Variants in SORCS3 observed in about 807,000 individuals in gnomAD.
SORCS3 encodes VPS10 domain-containing receptor SorCS3.
In SORCS3, 57 loss-of-function variants were observed where a neutral mutation model predicts 146.3. That is an observed-to-expected ratio of 0.39 (90% CI 0.31 to 0.49). The LOEUF (loss-of-function observed/expected upper bound fraction) is 0.49, where lower values mean the gene tolerates loss of function less well. SORCS3 is among the 20% of genes least tolerant of loss of function. The pLI is 0.92. For synonymous variants in SORCS3, 653 were observed against 618.5 expected (o/e 1.06, Z -0.83); for missense variants, 1,341 against 1,575.5 (o/e 0.85, Z 2.52).
intron 5 of SORCS3, among the ~76,000 whole-genome samples, chr10:105,076,797 T>C (rs2055592111): frequency 6.6e-6 from 1 of 152,212 alleles, no homozygotes; most frequent in Non-Finnish European, 1.5e-5. Flanking sequence ...AGGTATTCAG[T>C]AGGTATTTGC....
At chr10:105,089,891 CTGT>C in intron 6 of SORCS3, 52 bp downstream of exon 6, 2 of 1,420,686 alleles carry the variant, frequency 1.4e-6, no homozygotes, top group Non-Finnish European at 2.0e-6. Flanking sequence ...CTGCAGGTCT[CTGT>C]CCTCCCCCAA....
chr10:104,733,077 T>C (rs1441280100), intron 1 of SORCS3, among the ~76,000 whole-genome samples: 6 of 152,176 alleles, frequency 3.9e-5, no homozygotes, highest in African/African-American at 1.4e-4. Context: ...TGATGTAGAT[T>C]GTCATGGGCA....
At chr10:104,981,962 G>C (rs1589578062) in intron 4 of SORCS3, among the ~76,000 whole-genome samples, 2 of 152,148 alleles carry the variant, frequency 1.3e-5, no homozygotes, top group Admixed American at 6.5e-5. Context: ...GGGCCACAGT[G>C]GTCTAGAATT....
At chr10:105,215,004 C>G (rs181123614) in intron 18 of SORCS3, among the ~76,000 whole-genome samples, 2 of 152,274 alleles carry the variant, frequency 1.3e-5, no homozygotes, top group East Asian at 3.9e-4. Context: ...TTTATTCTGA[C>G]CCTTAATCCC....
chr10:105,112,923 A>G (rs1407214636), intron 7 of SORCS3, among the ~76,000 whole-genome samples: 1 of 152,158 alleles, frequency 6.6e-6, no homozygotes, highest in Non-Finnish European at 1.5e-5. Flanking sequence ...ATTTGGTTTT[A>G]GTGCTAACAG....
intron 4 of SORCS3, among the ~76,000 whole-genome samples, chr10:104,986,867 A>C (rs901373662): frequency 6.6e-6 from 1 of 152,214 alleles, no homozygotes; most frequent in Non-Finnish European, 1.5e-5. Flanking sequence ...CTGATCACAG[A>C]TCATCATAAC....
At chr10:104,910,793 G>C (rs1211244893) in intron 2 of SORCS3, among the ~76,000 whole-genome samples, 1 of 152,216 alleles carries the variant, frequency 6.6e-6, no homozygotes, top group Non-Finnish European at 1.5e-5. Context: ...AGTGGGGTTG[G>C]GGTAACTGGA....
intron 15 of SORCS3, among the ~76,000 whole-genome samples, chr10:105,200,602 T>G (rs1043453565): frequency 8.5e-5 from 13 of 152,178 alleles, no homozygotes; most frequent in Non-Finnish European, 7.4e-5. Flanking sequence ...AGACTTCTGC[T>G]CCAGAACCAC....
intron 1 of SORCS3, among the ~76,000 whole-genome samples, chr10:104,765,599 A>G (rs1347886092): frequency 1.3e-5 from 2 of 152,228 alleles, no homozygotes; most frequent in Admixed American, 6.5e-5. Flanking sequence ...CAAGGCTGAC[A>G]TAGAGTGGAC....
chr10:105,087,062 G>A (rs938388829), intron 5 of SORCS3, among the ~76,000 whole-genome samples: 3 of 152,142 alleles, frequency 2.0e-5, no homozygotes, highest in Non-Finnish European at 4.4e-5. Flanking sequence ...ATGGTTTTAG[G>A]TTTTATGTTT....
chr10:105,132,694 G>C (rs1377005), intron 7 of SORCS3, among the ~76,000 whole-genome samples: 13,129 of 152,222 alleles, frequency 0.086, 696 homozygotes, highest in Admixed American at 0.16. Context: ...CAATGCATTT[G>C]TCCAAAGGAA....
intron 3 of SORCS3, among the ~76,000 whole-genome samples, chr10:104,916,602 T>C (rs1403521298): frequency 2.0e-5 from 3 of 152,194 alleles, no homozygotes; most frequent in Admixed American, 2.0e-4. Flanking sequence ...TGTGGAACAA[T>C]GGGCAGTTTT....
chr10:104,947,017 T>A lies in SORCS3; in HGVS notation c.796-30318T>A, dbSNP rs148424980. The stretch of plus-strand genomic sequence containing the variant: ...TGGGAGGTGGTAGCCTGAGATTGTC[T>A]GCGGTCCCTGGCATGGAAGATTGAG... On this transcript the variant is annotated intron_variant, in intron 3 of 26. Transcript: ENST00000369701. 6.7e-4 allele frequency among the ~76,000 whole-genome samples: 102 copies of A among 152,218 alleles called. 1 individual carries two copies. The highest frequency in any genetic ancestry group is 2.2e-3 in the African/African-American group (91 of 41,538).
intron 1 of SORCS3, among the ~76,000 whole-genome samples, chr10:104,735,013 A>C (rs1472050): frequency 0.23 from 35,154 of 152,172 alleles, 4,246 homozygotes; most frequent in South Asian, 0.33. Flanking sequence ...GTTAATTAAA[A>C]AAAATCTACC....
At chr10:104,689,116 C>T (rs948716657) in intron 1 of SORCS3, among the ~76,000 whole-genome samples, 1 of 152,216 alleles carries the variant, frequency 6.6e-6, no homozygotes, top group African/African-American at 2.4e-5. Context: ...TTTAGGCATT[C>T]TTGCTTCATT....
intron 2 of SORCS3, among the ~76,000 whole-genome samples, chr10:104,877,294 T>C (rs2018586320): frequency 6.6e-6 from 1 of 152,146 alleles, no homozygotes; most frequent in Non-Finnish European, 1.5e-5. Flanking sequence ...TTCCACCCTT[T>C]CTTTGCCTTT....
intron 2 of SORCS3, 121 bp downstream of exon 2, chr10:104,842,980 A>C (rs2018160128): frequency 6.5e-6 from 5 of 773,830 alleles, no homozygotes; most frequent in Admixed American, 2.0e-5. Context: ...CTGGAAGCTC[A>C]TGTTAATGCT....
intron 7 of SORCS3, among the ~76,000 whole-genome samples, chr10:105,132,652 A>G (rs989518935): frequency 6.6e-6 from 1 of 152,310 alleles, no homozygotes; most frequent in Non-Finnish European, 1.5e-5. Context: ...AAGAGCGGGA[A>G]CAAGTCAGAA....
chr10:104,821,314 G>A (rs762649452), intron 1 of SORCS3, among the ~76,000 whole-genome samples: 5 of 152,180 alleles, frequency 3.3e-5, no homozygotes, highest in African/African-American at 7.2e-5. Context: ...ATGGAGAGAT[G>A]AGTGTGGACT....
Sources: gnomAD v4.1 joint callset for allele counts (sites outside exome capture counted in the v4.1 genomes callset) on GRCh38, gnomAD v4.1.1 for gene constraint, MANE v1.5 for transcripts, NCBI Gene and HGNC (gene_info 2026-07-23, HGNC 2026-07-21) for gene names.